Variants in ANK3 observed in about 807,000 individuals in gnomAD.
The protein encoded by ANK3 is ankyrin-3.
Under a neutral mutation model 370.9 loss-of-function variants are expected in ANK3, and 57 were observed. That is an observed-to-expected ratio of 0.15 (90% CI 0.12 to 0.19). ANK3 has a LOEUF of 0.19. Among genes scored for constraint, ANK3 ranks in the 10% least tolerant of loss-of-function variants. The pLI is 1.00. For synonymous variants in ANK3, 1,929 were observed against 1,946.3 expected, an observed-to-expected ratio of 0.99 and a Z score of 0.23; for missense variants, 4,439 against 5,302.1, an observed-to-expected ratio of 0.84 and a Z score of 5.06.
At position 60,071,860 on chromosome 10, in the gene ANK3, C is replaced by T; in HGVS notation, c.9021G>A (p.Gln3007=). 1 of 1,613,934 alleles carries T rather than the reference C, an allele frequency of 6.2e-7. No individual in the cohort carries two copies. Among genetic ancestry groups the T allele is most frequent in the Non-Finnish European group, 8.5e-7 (1 of 1,179,944 alleles). The change falls in exon 37 of 44, where the codon CAG becomes CAA. Residue 3007 remains glutamine, a synonymous_variant. Coordinates refer to ENST00000280772, the MANE Select transcript of ANK3 (RefSeq NM_020987.5). ...SSMSKETVET[Q]HFNSIEDEKV... is the part of the protein sequence containing the mutation. The stretch of plus-strand genomic sequence containing the variant: ...TTTCATCTTCTATAGAATTAAAGTG[C>T]TGTGTCTCAACTGTCTCTTTACTCA...
intron 16 of ANK3, among the ~76,000 whole-genome samples, chr10:60,192,514 C>T (rs528958360): frequency 6.6e-6 from 1 of 151,932 alleles, no homozygotes; most frequent in African/African-American, 2.4e-5. Flanking sequence ...GAATACTACT[C>T]AGCTATAAAA....
intron 8 of ANK3, among the ~76,000 whole-genome samples, chr10:60,220,626 T>C (rs1288058410): frequency 6.6e-6 from 1 of 152,222 alleles, no homozygotes; most frequent in Non-Finnish European, 1.5e-5. Context: ...AGAAAATCTT[T>C]GAATCCATTG....
chr10:60,406,020 G>A (rs2063448803), intron 2 of ANK3, among the ~76,000 whole-genome samples: 1 of 152,094 alleles, frequency 6.6e-6, no homozygotes, highest in Non-Finnish European at 1.5e-5. Context: ...ATTAGACAAG[G>A]CCAGCAACAT....
chr10:60,275,428 T>A (rs1258278362), intron 4 of ANK3, among the ~76,000 whole-genome samples: 1 of 152,166 alleles, frequency 6.6e-6, no homozygotes, highest in Non-Finnish European at 1.5e-5. Flanking sequence ...TTAAATTTCA[T>A]CCATGAAATT....
intron 2 of ANK3, among the ~76,000 whole-genome samples, chr10:60,432,908 G>C (rs2064062709): frequency 6.6e-6 from 1 of 151,946 alleles, no homozygotes; most frequent in South Asian, 2.1e-4. Flanking sequence ...TTTGACCCAG[G>C]TTCCTGTTCC....
chr10:60,145,331 G>C (rs1389660331), intron 23 of ANK3, among the ~76,000 whole-genome samples: 1 of 152,154 alleles, frequency 6.6e-6, no homozygotes, highest in Non-Finnish European at 1.5e-5. Flanking sequence ...TCAGCAAATA[G>C]TCTAATACAC....
At chr10:60,277,350 T>G (rs763666649) in intron 4 of ANK3, among the ~76,000 whole-genome samples, 1 of 152,208 alleles carries the variant, frequency 6.6e-6, no homozygotes, top group Non-Finnish European at 1.5e-5. Context: ...AGACTTACTC[T>G]TAAAAGATAA....
intron 2 of ANK3, among the ~76,000 whole-genome samples, chr10:60,586,686 T>C (rs2077836590): frequency 6.6e-6 from 1 of 152,188 alleles, no homozygotes; most frequent in Admixed American, 6.5e-5. Flanking sequence ...ATCTATACCA[T>C]AGATATTGTA....
intron 1 of ANK3, among the ~76,000 whole-genome samples, chr10:60,309,728 G>A (rs2045926012): frequency 6.6e-6 from 1 of 151,962 alleles, no homozygotes; most frequent in Admixed American, 6.6e-5. Context: ...AACAGCTGTA[G>A]AAATATACCA....
intron 43 of ANK3, among the ~76,000 whole-genome samples, chr10:60,032,460 G>A (rs904262765): frequency 6.6e-6 from 1 of 151,378 alleles, no homozygotes; most frequent in Admixed American, 6.6e-5. Context: ...CACCTGCCTC[G>A]GCCTCCCAAA....
chr10:60,331,507 T>C (rs905891256), intron 1 of ANK3, among the ~76,000 whole-genome samples: 1 of 151,994 alleles, frequency 6.6e-6, no homozygotes, highest in Non-Finnish European at 1.5e-5. Flanking sequence ...TTGATTAAAT[T>C]TTTTAAAAGT....
chr10:60,289,770 CA>C (rs1368970571), intron 1 of ANK3, among the ~76,000 whole-genome samples: 1 of 152,070 alleles, frequency 6.6e-6, no homozygotes, highest in African/African-American at 2.4e-5. Context: ...TTTTGGTGAA[CA>C]AAGTAACATG....
intron 17 of ANK3, among the ~76,000 whole-genome samples, chr10:60,182,732 T>C (rs987540531): frequency 2.6e-5 from 4 of 152,246 alleles, no homozygotes; most frequent in African/African-American, 9.6e-5. Context: ...AATTATGGAA[T>C]GCAGAGAGAG....
chr10:60,146,854 T>C (rs1337949396), intron 23 of ANK3, among the ~76,000 whole-genome samples: 1 of 152,220 alleles, frequency 6.6e-6, no homozygotes, highest in Non-Finnish European at 1.5e-5. Context: ...TTTGCTCACA[T>C]TACTTTTCCC....
Position 60,072,630 on chromosome 10 carries a change from T to G in ANK3, c.8251A>C (p.Ile2751Leu). The change falls in exon 37 of 44, where the codon ATA (isoleucine) becomes CTA (leucine). Residue 2751 changes from isoleucine (I) to leucine (L), a missense_variant. Coordinates refer to ENST00000280772, the MANE Select transcript of ANK3 (RefSeq NM_020987.5). ...DGQSRIPVKK[I>L]QESKLPVYQV... is the part of the protein sequence containing the mutation. ...TAGACGGGTAGCTTGCTCTCCTGTA[T>G]TTTTTTAACTGGGATTCTGGACTGG... 6.2e-7 allele frequency: 1 copy of G among 1,614,050 alleles called. No individual in the cohort carries two copies. The highest frequency in any genetic ancestry group is 8.5e-7 in the Non-Finnish European group (1 of 1,179,972).
intron 2 of ANK3, among the ~76,000 whole-genome samples, chr10:60,486,292 T>C (rs1166231987): frequency 1.3e-5 from 2 of 152,176 alleles, no homozygotes; most frequent in Non-Finnish European, 2.9e-5. Context: ...TCTACAGTTA[T>C]TTGTGGTCAG....
chr10:60,078,524 G>A (rs1316717529), intron 36 of ANK3, among the ~76,000 whole-genome samples: 2 of 152,162 alleles, frequency 1.3e-5, no homozygotes, highest in Non-Finnish European at 2.9e-5. Flanking sequence ...ACTGAAGGCT[G>A]GCTCTATCAG....
At chr10:60,639,907 G>T (rs1399087362) in intron 1 of ANK3, among the ~76,000 whole-genome samples, 3 of 151,690 alleles carry the variant, frequency 2.0e-5, no homozygotes, top group African/African-American at 7.3e-5. Context: ...CAATGAAAAA[G>T]AAAAAAGTAT....
chr10:60,706,267 G>A (rs2079615622), intron 1 of ANK3, among the ~76,000 whole-genome samples: 1 of 152,138 alleles, frequency 6.6e-6, no homozygotes, highest in Non-Finnish European at 1.5e-5. Context: ...AATGGCTAAG[G>A]TCAGCATGAC....
Sources: allele counts gnomAD v4.1 joint callset (sites outside exome capture counted in the v4.1 genomes callset), GRCh38; gene constraint gnomAD v4.1.1; transcripts MANE v1.5; gene names NCBI Gene and HGNC (gene_info 2026-07-23, HGNC 2026-07-21).